The following WDPCP variants were observed in gnomAD, a reference collection of about 807,000 sequenced individuals.
WDPCP encodes the protein WD repeat containing planar cell polarity effector.
Under a neutral mutation model 93.1 loss-of-function variants are expected in WDPCP, and 71 were observed. That is an observed-to-expected ratio of 0.76 (90% confidence interval 0.63 to 0.93). The LOEUF (loss-of-function observed/expected upper bound fraction) is 0.93, where lower values mean the gene tolerates loss of function less well. Among genes scored for constraint, WDPCP ranks in the 40% least tolerant of loss-of-function variants. WDPCP has a pLI of 0.00. For synonymous variants in WDPCP, 315 were observed against 315.0 expected (o/e 1.00, Z 0.00); for missense variants, 844 against 887.4 (o/e 0.95, Z 0.62).
At chr2:63,294,510 A>G (rs1575078926) in intron 13 of WDPCP, among the ~76,000 whole-genome samples, 1 of 9,524 alleles carries the variant, frequency 1.0e-4, no homozygotes, top group Non-Finnish European at 1.6e-4. Flanking sequence ...ACTGTTTCGA[A>G]AAAAAAAAAA....
chr2:63,577,436 T>C (rs925835662), intron 1 of WDPCP, among the ~76,000 whole-genome samples: 3 of 152,320 alleles, frequency 2.0e-5, no homozygotes, highest in African/African-American at 7.2e-5. Context: ...TTATGTTCTC[T>C]AGAAAAGAAG....
chr2:63,364,556 C>T (rs1461130967), intron 12 of WDPCP, among the ~76,000 whole-genome samples: 1 of 152,142 alleles, frequency 6.6e-6, no homozygotes, highest in East Asian at 1.9e-4. Context: ...CTACCTCTTC[C>T]CCAAGACACA....
chr2:63,615,865 A>G (rs1709666705), intron 3 of WDPCP, among the ~76,000 whole-genome samples: 1 of 152,200 alleles, frequency 6.6e-6, no homozygotes, highest in Non-Finnish European at 1.5e-5. Context: ...TGTGGCCCTG[A>G]GAATAAGCTT....
Position 63,186,839 on chromosome 2 carries a change from G to A in WDPCP, c.1916-12007C>T, listed in dbSNP as rs1674678810. Among the ~76,000 whole-genome samples the A allele has an allele frequency of 2.0e-5, 3 of 149,794 alleles. No individual in the cohort carries two copies. In the South Asian group the frequency reaches 6.3e-4, roughly 31 times the overall value. Reference sequence around the variant, plus strand: ...TTTTTTTTTTTTTGCTTCCAAATAGGTGAAGCATGCTAAAAGAGTCTCTGA... The same window carrying A: ...TTTTTTTTTTTTTGCTTCCAAATAGATGAAGCATGCTAAAAGAGTCTCTGA... On this transcript the variant is annotated intron_variant, in intron 14 of 17. Coordinates refer to ENST00000272321, the MANE Select transcript of WDPCP (RefSeq NM_015910.7).
At chr2:63,564,936 C>G (rs937834741) in intron 1 of WDPCP, among the ~76,000 whole-genome samples, 1 of 152,082 alleles carries the variant, frequency 6.6e-6, no homozygotes, top group African/African-American at 2.4e-5. Context: ...TGCCACCATA[C>G]CTGGCTAATT....
At chr2:63,228,664 T>C (rs1226746190) in intron 14 of WDPCP, 1 of 151,542 alleles carries the variant, frequency 6.6e-6, no homozygotes, top group African/African-American at 2.4e-5. Flanking sequence ...TTCCCACCTA[T>C]GAGTGAGAAC....
intron 1 of WDPCP, among the ~76,000 whole-genome samples, chr2:63,558,467 T>C (rs1706306725): frequency 6.6e-6 from 1 of 150,960 alleles, no homozygotes; most frequent in Non-Finnish European, 1.5e-5. Flanking sequence ...TGTCAGAGGT[T>C]GCAGTGAGCT....
chr2:63,696,683 T>C (rs1416538048), intron 2 of WDPCP, among the ~76,000 whole-genome samples: 4 of 152,190 alleles, frequency 2.6e-5, no homozygotes, highest in African/African-American at 4.8e-5. Context: ...AATTGGGTAA[T>C]TGGGTAAAGA....
chr2:63,826,083 C>T (rs1208350201), intron 1 of WDPCP, among the ~76,000 whole-genome samples: 1 of 152,054 alleles, frequency 6.6e-6, no homozygotes, highest in Non-Finnish European at 1.5e-5. Context: ...GTATCTTGCT[C>T]AATTCAATGC....
At chr2:63,256,599 G>C (rs1037406129) in intron 14 of WDPCP, among the ~76,000 whole-genome samples, 2 of 152,080 alleles carry the variant, frequency 1.3e-5, no homozygotes, top group Non-Finnish European at 1.5e-5. Flanking sequence ...CAGTCAAACA[G>C]ATCTGCCTAC....
intron 13 of WDPCP, among the ~76,000 whole-genome samples, chr2:63,293,292 T>C (rs1419348751): frequency 6.6e-6 from 1 of 152,144 alleles, no homozygotes; most frequent in East Asian, 1.9e-4. Context: ...AAAAGTATAG[T>C]TTTGGACAAG....
chr2:63,622,606 G>A, intron 3 of WDPCP: 1 of 1,613,852 alleles, frequency 6.2e-7, no homozygotes, highest in South Asian at 1.1e-5. Flanking sequence ...TACACCGAGT[G>A]AGCAACATTG....
chr2:63,809,928 A>T (rs547548015), intron 2 of WDPCP, among the ~76,000 whole-genome samples: 11 of 151,652 alleles, frequency 7.3e-5, no homozygotes, highest in Non-Finnish European at 1.0e-4. Context: ...ATAAATAAAT[A>T]AAATTAAATT....
At chr2:63,313,396 T>TA in intron 12 of WDPCP, 85 bp from the exon 13 acceptor site, 1 of 1,322,192 alleles carries the variant, frequency 7.6e-7, no homozygotes, top group Non-Finnish European at 1.1e-6. Flanking sequence ...ATATCTGTGA[T>TA]ACTGTTTTTG....
chr2:63,628,694 G>A (rs1319815832), intron 3 of WDPCP, among the ~76,000 whole-genome samples: 2 of 152,212 alleles, frequency 1.3e-5, no homozygotes, highest in African/African-American at 2.4e-5. Flanking sequence ...ATCTTGGTAT[G>A]TGGCCTAAGG....
chr2:63,817,697 C>G (rs995071972), intron 1 of WDPCP, among the ~76,000 whole-genome samples: 2 of 151,950 alleles, frequency 1.3e-5, no homozygotes, highest in African/African-American at 4.8e-5. Flanking sequence ...ATTATCCGTC[C>G]CTTTACAAAA....
intron 15 of WDPCP, among the ~76,000 whole-genome samples, chr2:63,157,028 C>G (rs926191564): frequency 3.3e-4 from 49 of 148,210 alleles, no homozygotes; most frequent in African/African-American, 1.1e-3. Context: ...AAGCCCCCTT[C>G]TACTCCTAGT....
chr2:63,589,344 A>T (rs1251234820), upstream of WDPCP: 19 of 1,550,432 alleles, frequency 1.2e-5, no homozygotes, highest in East Asian at 4.4e-4. Context: ...CGCTGCAGCT[A>T]TTTTCCAAAG....
intron 15 of WDPCP, chr2:63,168,599 T>C (rs1280745939): frequency 2.0e-5 from 3 of 152,216 alleles, no homozygotes; most frequent in Admixed American, 6.5e-5. Flanking sequence ...TGTTTCTCTC[T>C]GAGGTATGTG....
Sources: gnomAD v4.1 joint callset for allele counts (sites outside exome capture counted in the v4.1 genomes callset) on GRCh38, gnomAD v4.1.1 for gene constraint, MANE v1.5 for transcripts, NCBI Gene and HGNC (gene_info 2026-07-23, HGNC 2026-07-21) for gene names.